Variants in KAZN observed in about 807,000 individuals in gnomAD.
KAZN encodes kazrin, periplakin interacting protein, also known as kazrin.
Under a neutral mutation model 87.4 loss-of-function variants are expected in KAZN, and 40 were observed. The ratio of observed to expected loss-of-function variants is 0.46; its 90% confidence interval spans 0.36 to 0.60. KAZN has a LOEUF of 0.60. Ranked by LOEUF, KAZN falls within the 20% of genes least tolerant of loss-of-function variation. The pLI, the probability that KAZN is intolerant of heterozygous loss-of-function variation, is 0.00. For missense variants in KAZN, 898 were observed against 1,073.9 expected (o/e 0.84, Z 2.29); for synonymous variants, 466 against 458.3 (o/e 1.02, Z -0.22).
At chr1:15,017,069 G>A (rs1011795961) in intron 2 of KAZN, among the ~76,000 whole-genome samples, 19 of 151,946 alleles carry the variant, frequency 1.3e-4, no homozygotes, top group African/African-American at 2.4e-4. Context: ...AGGCTGAGGC[G>A]GGCGGATCAC....
chr1:14,648,627 T>G (rs1680987796), intron 1 of KAZN, among the ~76,000 whole-genome samples: 1 of 152,122 alleles, frequency 6.6e-6, no homozygotes, highest in Admixed American at 6.5e-5. Context: ...GGATTGGAAC[T>G]TGGACACTTG....
chr1:14,140,703 G>A (rs565556231), intron 1 of KAZN, among the ~76,000 whole-genome samples: 73 of 150,088 alleles, frequency 4.9e-4, no homozygotes, highest in African/African-American at 7.5e-4. Context: ...CACCACCCCC[G>A]CACCCCTGCC....
chr1:14,809,012 A>G (rs1356845126), intron 1 of KAZN, among the ~76,000 whole-genome samples: 1 of 152,216 alleles, frequency 6.6e-6, no homozygotes, highest in Non-Finnish European at 1.5e-5. Context: ...AAGAGTTTCT[A>G]GTCATGTGAC....
chr1:14,683,597 C>T lies in KAZN; in HGVS notation c.226+84374C>T, dbSNP rs76601136. On this transcript the variant is annotated intron_variant, in intron 1 of 14. Transcript: ENST00000376030. ...TGATAAATGGATGCACATTGCGTGTCACTTATTCACGACCCATTTATTAAC... is the reference window on the plus strand; with the variant it reads ...TGATAAATGGATGCACATTGCGTGTTACTTATTCACGACCCATTTATTAAC... Among the ~76,000 whole-genome samples, 352 of 152,312 alleles carry T rather than the reference C, an allele frequency of 2.3e-3. 2 individuals are homozygous for T. The highest frequency in any genetic ancestry group is 3.6e-3 in the Non-Finnish European group (244 of 68,034).
chr1:14,117,637 G>GC (rs1644656476), intron 1 of KAZN, among the ~76,000 whole-genome samples: 1 of 152,056 alleles, frequency 6.6e-6, no homozygotes, highest in Non-Finnish European at 1.5e-5. Flanking sequence ...GGAAAGATGG[G>GC]CCCCTTCTAA....
chr1:15,059,373 A>G (rs1638582184), intron 5 of KAZN, among the ~76,000 whole-genome samples: 1 of 152,238 alleles, frequency 6.6e-6, no homozygotes, highest in Non-Finnish European at 1.5e-5. Context: ...AGACCAAGGC[A>G]GGGGGACATG....
In KAZN at chr1:14,384,754, C is replaced by T. The variant is rs867698096; in HGVS notation, c.249+204162C>T. Among the ~76,000 whole-genome samples the T allele has an allele frequency of 5.4e-3, 820 of 151,388 alleles. 7 individuals carry two copies. The highest frequency in any genetic ancestry group is 0.018 in the African/African-American group (756 of 41,220). Reference sequence around the variant, plus strand: ...TGAGGATTTTTGCATCAATGTTCATCGCGGATATTGGTCTAAAATTCTCTT... The same window carrying T: ...TGAGGATTTTTGCATCAATGTTCATTGCGGATATTGGTCTAAAATTCTCTT... On this transcript the variant is annotated intron_variant, in intron 2 of 16. Coordinates refer to the KAZN transcript ENST00000636203.
intron 2 of KAZN, among the ~76,000 whole-genome samples, chr1:14,512,177 C>T (rs915223920): frequency 5.3e-5 from 8 of 152,180 alleles, no homozygotes; most frequent in South Asian, 2.1e-4. Context: ...TGTGTGTTCG[C>T]GGGTCAGGAG....
At chr1:14,460,561 C>G (rs552099066) in intron 2 of KAZN, among the ~76,000 whole-genome samples, 1 of 152,308 alleles carries the variant, frequency 6.6e-6, no homozygotes, top group Non-Finnish European at 1.5e-5. Flanking sequence ...GCCCTGATCA[C>G]TCAGTAATTA....
intron 1 of KAZN, among the ~76,000 whole-genome samples, chr1:14,937,697 C>T (rs1007087037): frequency 2.0e-5 from 3 of 152,244 alleles, no homozygotes; most frequent in Non-Finnish European, 4.4e-5. Flanking sequence ...CCTGATAGAG[C>T]TGAGCACGCT....
intron 2 of KAZN, among the ~76,000 whole-genome samples, chr1:14,365,364 G>T (rs1340404856): frequency 8.7e-5 from 2 of 23,108 alleles, no homozygotes; most frequent in African/African-American, 2.6e-4. Flanking sequence ...CCCTCCCCCC[G>T]GGGTGGGGGG....
rs114089553 is a variant in KAZN at position 14,392,257 on chromosome 1, A to G, written c.250-206726A>G. The stretch of plus-strand genomic sequence containing the variant: ...GTCTTTGTCAAAAGTTTTAGAAAGA[A>G]AAGGTAAGTGTATATGGGGTGGACA... On this transcript the variant is annotated intron_variant, in intron 2 of 16. Transcript: ENST00000636203. 2.9e-3 allele frequency among the ~76,000 whole-genome samples: 448 copies of G among 152,338 alleles called. 1 individual carries two copies. Among genetic ancestry groups the G allele is most frequent in the African/African-American group, 9.8e-3 (407 of 41,566 alleles).
intron 1 of KAZN, among the ~76,000 whole-genome samples, chr1:13,973,884 C>T (rs533431536): frequency 4.6e-5 from 7 of 152,320 alleles, no homozygotes; most frequent in Admixed American, 2.0e-4. Flanking sequence ...ACCCCTGCAT[C>T]GGGTGTCCCC....
At chr1:14,416,317 G>A (rs957968950) in intron 2 of KAZN, among the ~76,000 whole-genome samples, 1 of 152,136 alleles carries the variant, frequency 6.6e-6, no homozygotes, top group Non-Finnish European at 1.5e-5. Flanking sequence ...GATTGTTTGG[G>A]TATAAAATAT....
chr1:14,242,950 G>A (rs559958883), intron 2 of KAZN, among the ~76,000 whole-genome samples: 12 of 152,318 alleles, frequency 7.9e-5, no homozygotes, highest in South Asian at 4.1e-4. Context: ...ACAAGGATAC[G>A]TTTGTATGCA....
At position 14,799,277 on chromosome 1, in the gene KAZN, G is replaced by A. The variant is rs149084132; in HGVS notation, c.227-161407G>A. Among the ~76,000 whole-genome samples, 126 of 152,314 alleles carry A rather than the reference G, an allele frequency of 8.3e-4. No homozygotes were observed. In the East Asian group the frequency reaches 0.022, roughly 27 times the overall value. On this transcript the variant is annotated intron_variant, in intron 1 of 14. Coordinates refer to ENST00000376030, the MANE Select transcript of KAZN (RefSeq NM_201628.3). ...TGGATGCGCAATGAATCCTTCTTAAGTTGAGGTAAACTCCATCAACTGAAT... is the reference window on the plus strand; with the variant it reads ...TGGATGCGCAATGAATCCTTCTTAAATTGAGGTAAACTCCATCAACTGAAT...
intron 2 of KAZN, among the ~76,000 whole-genome samples, chr1:14,413,664 G>A (rs1342378355): frequency 6.7e-6 from 1 of 149,352 alleles, no homozygotes; most frequent in Non-Finnish European, 1.5e-5. Flanking sequence ...ATGACCTCTT[G>A]GTAGAGAATT....
intron 2 of KAZN, among the ~76,000 whole-genome samples, chr1:14,192,762 C>T (rs1646447450): frequency 6.6e-6 from 1 of 152,154 alleles, no homozygotes; most frequent in African/African-American, 2.4e-5. Context: ...ACTGCATTTT[C>T]CCAGCTGCAT....
chr1:14,811,131 C>G (rs371971438), intron 1 of KAZN, among the ~76,000 whole-genome samples: 11 of 152,300 alleles, frequency 7.2e-5, no homozygotes, highest in South Asian at 4.1e-4. Context: ...TCGCCCTCCC[C>G]CAACCGACAG....
Sources: gnomAD v4.1 joint callset for allele counts (sites outside exome capture counted in the v4.1 genomes callset) on GRCh38, gnomAD v4.1.1 for gene constraint, MANE v1.5 for transcripts, NCBI Gene and HGNC (gene_info 2026-07-23, HGNC 2026-07-21) for gene names.